TSEN2: variants seen among roughly 807,000 people sequenced by gnomAD.
TSEN2 encodes tRNA splicing endonuclease subunit 2.
A neutral mutation model predicts 59.2 loss-of-function variants in TSEN2; 54 were observed. That is an observed-to-expected ratio of 0.91 (90% CI 0.73 to 1.14). The LOEUF (loss-of-function observed/expected upper bound fraction) is 1.14. TSEN2 is among the 50% of genes most tolerant of loss of function. The pLI is 0.00. For synonymous variants in TSEN2, 195 were observed against 198.2 expected (o/e 0.98, Z 0.14); for missense variants, 636 against 576.2 (o/e 1.10, Z -1.06).
intron 1 of TSEN2, among the ~76,000 whole-genome samples, chr3:12,486,074 G>A (rs115046162): frequency 1.9e-3 from 285 of 152,272 alleles, no homozygotes; most frequent in African/African-American, 6.6e-3. Context: ...TTTTATTTAA[G>A]GGACTTGAGC....
intron 11 of TSEN2, among the ~76,000 whole-genome samples, chr3:12,532,195 A>G (rs1261757914): frequency 6.6e-6 from 1 of 151,282 alleles, no homozygotes; most frequent in Admixed American, 6.6e-5. Context: ...TTTTCACACC[A>G]CCCTGCCCCT....
intron 4 of TSEN2, 115 bp downstream of exon 4, chr3:12,496,669 G>C (rs750942486): frequency 2.0e-6 from 2 of 1,000,696 alleles, no homozygotes; most frequent in Admixed American, 1.9e-5. Context: ...TCTGTTTTTG[G>C]TAGTAGATGT....
chr3:12,524,284 G>A (rs796591467), intron 8 of TSEN2, among the ~76,000 whole-genome samples: 1 of 152,228 alleles, frequency 6.6e-6, no homozygotes, highest in African/African-American at 2.4e-5. Flanking sequence ...CTACCTTTTA[G>A]TTTCCTAGGG....
upstream of TSEN2, among the ~76,000 whole-genome samples, chr3:12,482,206 C>G (rs2052201299): frequency 6.6e-6 from 1 of 152,188 alleles, no homozygotes; most frequent in African/African-American, 2.4e-5. Context: ...ACCACAACCT[C>G]CACCTCCCCG....
At chr3:12,505,066 A>G in intron 5 of TSEN2, 88 bp from the exon 6 acceptor site, 1 of 826,012 alleles carries the variant, frequency 1.2e-6, no homozygotes. Flanking sequence ...CTGGGAATTT[A>G]TAAGAAAAAT....
chr3:12,482,192 A>T (rs539863816), upstream of TSEN2, among the ~76,000 whole-genome samples: 4 of 152,190 alleles, frequency 2.6e-5, no homozygotes, highest in African/African-American at 7.2e-5. Flanking sequence ...TGCAATCCCG[A>T]CTCACCACAA....
chr3:12,529,827 G>T lies in TSEN2; in HGVS notation c.1202G>T (p.Trp401Leu), dbSNP rs779147618. ...FEGSLRRPLSWKSLAALSRVS... is the reference protein window; with the variant it reads ...FEGSLRRPLSLKSLAALSRVS... ...GGCTCTCTCCGCAGGCCTCTCAGTT[G>T]GAAGTCCCTGGCTGCCTTGAGCAGA... The change falls in exon 10 of 12, where the codon TGG becomes TTG. Residue 401 changes from tryptophan (W) to leucine (L), a missense_variant. Physicochemically the swap from Trp to Leu is moderately conservative, Grantham distance 61. Coordinates refer to ENST00000284995, the MANE Select transcript of TSEN2 (RefSeq NM_025265.4). 20 of 1,613,990 alleles carry T rather than the reference G, an allele frequency of 1.2e-5. No homozygotes were observed. In the African/African-American group the frequency reaches 1.6e-4, roughly 13 times the overall value.
At chr3:12,503,983 A>G (rs2054563260) in intron 5 of TSEN2, among the ~76,000 whole-genome samples, 199 bp downstream of exon 5, 1 of 152,192 alleles carries the variant, frequency 6.6e-6, no homozygotes. Flanking sequence ...AAAAAAATTT[A>G]TAAAATTAAG....
chr3:12,489,587 G>A (rs553256248), intron 1 of TSEN2, among the ~76,000 whole-genome samples, 197 bp from the exon 2 acceptor site: 1 of 152,236 alleles, frequency 6.6e-6, no homozygotes, highest in Non-Finnish European at 1.5e-5. Flanking sequence ...GGGATTAATT[G>A]CAGTATTCTA....
intron 6 of TSEN2, among the ~76,000 whole-genome samples, chr3:12,511,532 A>G (rs1277760983): frequency 6.6e-6 from 1 of 151,962 alleles, no homozygotes; most frequent in Non-Finnish European, 1.5e-5. Flanking sequence ...TTAAAGATAT[A>G]AAGGGAAATT....
intron 8 of TSEN2, among the ~76,000 whole-genome samples, chr3:12,519,588 T>C (rs144752045): frequency 0.013 from 1,947 of 151,948 alleles, 46 homozygotes; most frequent in African/African-American, 0.044. Flanking sequence ...TACTAAAAAA[T>C]ATAAAAAATT....
At chr3:12,537,807 G>A (rs1229269898), downstream of TSEN2, among the ~76,000 whole-genome samples, 1 of 152,190 alleles carries the variant, frequency 6.6e-6, no homozygotes, top group Non-Finnish European at 1.5e-5. Flanking sequence ...GGATGGTCTT[G>A]AGGATTGACA....
At chr3:12,495,477 G>A (rs973102081) in intron 3 of TSEN2, among the ~76,000 whole-genome samples, 10 of 152,138 alleles carry the variant, frequency 6.6e-5, no homozygotes, top group African/African-American at 1.9e-4. Context: ...CAATCCACCC[G>A]TCTCAGCTTC....
At chr3:12,496,638 C>A in intron 4 of TSEN2, 84 bp downstream of exon 4, 1 of 1,328,658 alleles carries the variant, frequency 7.5e-7, no homozygotes, top group Non-Finnish European at 1.1e-6. Flanking sequence ...TGTAGCAGTC[C>A]AGTCCACACC....
chr3:12,503,302 A>T lies in TSEN2; in HGVS notation c.349A>T (p.Arg117Ter). ...SVEWAAELMR[R>*]QGQDESTVRR... is the part of the protein sequence containing the mutation. ...TGAGTGGGCAGCAGAGCTGATGCGT[A>T]GACAGGGGCAGGATGAGAGTACAGT... The change falls in exon 5 of 12, where the codon AGA becomes TGA. Residue 117 changes from arginine (R) to a stop codon, truncating the protein, a stop_gained. Transcript: ENST00000284995. LOFTEE classifies it high-confidence loss of function. The T allele has an allele frequency of 6.2e-7, 1 of 1,614,236 alleles. No homozygotes were observed. Among genetic ancestry groups the T allele is most frequent in the East Asian group, 2.2e-5 (1 of 44,888 alleles).
At chr3:12,518,017 C>A (rs2056307846) in intron 7 of TSEN2, among the ~76,000 whole-genome samples, 1 of 151,858 alleles carries the variant, frequency 6.6e-6, no homozygotes, top group Non-Finnish European at 1.5e-5. Flanking sequence ...AGTGACTGAG[C>A]CTTAAATCAG....
At chr3:12,480,528 G>GGTT (rs1553565213), upstream of TSEN2, among the ~76,000 whole-genome samples, 162 of 91,736 alleles carry the variant, frequency 1.8e-3, no homozygotes, top group African/African-American at 3.9e-3. Flanking sequence ...TTGTTTCTTT[G>GGTT]TTTTTTTTTT....
Position 12,528,889 on chromosome 3 carries a change from G to A in TSEN2, c.1101G>A (p.Leu367=), listed in dbSNP as rs2057283006. ...KVGLKYGTDL[L]LYRKGPPFYH... is the part of the protein sequence containing the mutation. ...CTTTTTTTTCTTTCTTCTTTGCAGTGCTATATCGGAAAGGCCCTCCATTTT... is the reference window on the plus strand; with the variant it reads ...CTTTTTTTTCTTTCTTCTTTGCAGTACTATATCGGAAAGGCCCTCCATTTT... Residue 367 remains leucine (L), a splice_region_variant and synonymous_variant, in exon 9 of 12, where the codon CTG becomes CTA. Transcript: ENST00000284995. 3 of 1,613,664 alleles carry A rather than the reference G, an allele frequency of 1.9e-6. No individual in the cohort carries two copies. The highest frequency in any genetic ancestry group is 1.7e-5 in the Admixed American group (1 of 59,992).
intron 5 of TSEN2, 147 bp from the exon 6 acceptor site, chr3:12,505,007 A>AG: frequency 1.5e-6 from 1 of 658,732 alleles, no homozygotes; most frequent in Non-Finnish European, 2.8e-6. Context: ...TCTCAAAAAA[A>AG]TTGTGTTTTA....
Sources: gnomAD v4.1 joint callset for allele counts (sites outside exome capture counted in the v4.1 genomes callset) on GRCh38, gnomAD v4.1.1 for gene constraint, MANE v1.5 for transcripts, NCBI Gene and HGNC (gene_info 2026-07-23, HGNC 2026-07-21) for gene names.